The following LOC128706665 variants were observed in gnomAD, a reference collection of about 807,000 sequenced individuals.
At chr20:10,434,034 G>C in the LOC128706665 span, 1 of 152,440 alleles carries the variant, frequency 6.6e-6, no homozygotes, top group East Asian at 1.9e-4. Flanking sequence ...AGAGGGAGGC[G>C]CCTACAAGCC....
chr20:10,417,723 AAAC>A, the LOC128706665 span, among the ~76,000 whole-genome samples: 1 of 152,232 alleles, frequency 6.6e-6, no homozygotes, highest in African/African-American at 2.4e-5. Context: ...ATTATATATG[AAAC>A]AACATGATTA....
At chr20:10,432,642 A>G in the LOC128706665 span, among the ~76,000 whole-genome samples, 1 of 152,042 alleles carries the variant, frequency 6.6e-6, no homozygotes. Context: ...AAAAATACAA[A>G]AATTAGCCAG....
At chr20:10,427,035 C>CACACAGACACACACAG in the LOC128706665 span, among the ~76,000 whole-genome samples, 1 of 56,424 alleles carries the variant, frequency 1.8e-5, no homozygotes, top group Non-Finnish European at 6.6e-5. Context: ...CACTGACACA[C>CACACAGACACACACAG]ACACACACAC....
chr20:10,423,210 G>A, the LOC128706665 span, among the ~76,000 whole-genome samples: 1 of 152,108 alleles, frequency 6.6e-6, no homozygotes, highest in Non-Finnish European at 1.5e-5. Context: ...AGCCTGAGGT[G>A]GGCGGATCAC....
At chr20:10,414,480 G>T in the LOC128706665 span, among the ~76,000 whole-genome samples, 2 of 151,974 alleles carry the variant, frequency 1.3e-5, no homozygotes, top group African/African-American at 4.8e-5. Flanking sequence ...TGCCAGGTTG[G>T]TCTCGAACTC....
At chr20:10,429,903 G>T in the LOC128706665 span, among the ~76,000 whole-genome samples, 3 of 152,172 alleles carry the variant, frequency 2.0e-5, no homozygotes, top group Non-Finnish European at 2.9e-5. Flanking sequence ...AAACTCTAGG[G>T]TGGGGTCCAG....
the LOC128706665 span, among the ~76,000 whole-genome samples, chr20:10,432,749 G>C: frequency 8.2e-6 from 1 of 122,048 alleles, no homozygotes; most frequent in Admixed American, 1.1e-4. Context: ...AGTGAGCAGA[G>C]ATCCAGCTTC....
the LOC128706665 span, among the ~76,000 whole-genome samples, chr20:10,430,554 T>A: frequency 6.6e-6 from 1 of 152,180 alleles, no homozygotes; most frequent in Non-Finnish European, 1.5e-5. Context: ...CTAAGGGAAG[T>A]GGTCCCCATA....
chr20:10,425,162 G>A, the LOC128706665 span, among the ~76,000 whole-genome samples: 1 of 152,154 alleles, frequency 6.6e-6, no homozygotes, highest in South Asian at 2.1e-4. Context: ...ACAAGGAAAA[G>A]AGAGCTAAAA....
chr20:10,423,973 T>C, the LOC128706665 span, among the ~76,000 whole-genome samples: 1 of 149,794 alleles, frequency 6.7e-6, no homozygotes, highest in South Asian at 2.2e-4. Context: ...ATATCTCATA[T>C]ATTGATTTGG....
At chr20:10,413,790 G>A in the LOC128706665 span, 2 of 562,812 alleles carry the variant, frequency 3.6e-6, no homozygotes, top group Non-Finnish European at 6.3e-6. Context: ...AGACTGCTTT[G>A]CAGACCTCTG....
the LOC128706665 span, among the ~76,000 whole-genome samples, chr20:10,432,521 C>T: frequency 5.8e-4 from 89 of 152,198 alleles, no homozygotes; most frequent in African/African-American, 2.1e-3. Flanking sequence ...GGCCAGACGC[C>T]GTGGGTCATG....
At chr20:10,421,356 G>A in the LOC128706665 span, among the ~76,000 whole-genome samples, 3 of 150,988 alleles carry the variant, frequency 2.0e-5, no homozygotes, top group East Asian at 3.9e-4. Flanking sequence ...CTTGGGAGGT[G>A]GAGGTTGCAG....
the LOC128706665 span, among the ~76,000 whole-genome samples, chr20:10,415,378 G>T: frequency 1.3e-5 from 2 of 152,116 alleles, no homozygotes; most frequent in Admixed American, 6.5e-5. Flanking sequence ...GTGCAAAGAG[G>T]TGGGCAGAAC....
At chr20:10,418,973 C>T in the LOC128706665 span, among the ~76,000 whole-genome samples, 1 of 152,068 alleles carries the variant, frequency 6.6e-6, no homozygotes, top group African/African-American at 2.4e-5. Flanking sequence ...TTCTATGTTA[C>T]TACCTGGCTT....
chr20:10,431,169 T>C, the LOC128706665 span, among the ~76,000 whole-genome samples: 1 of 152,176 alleles, frequency 6.6e-6, no homozygotes, highest in Non-Finnish European at 1.5e-5. Context: ...TATATAAAAA[T>C]AGGCACCCCT....
chr20:10,417,742 G>T, the LOC128706665 span, among the ~76,000 whole-genome samples: 1 of 151,860 alleles, frequency 6.6e-6, no homozygotes, highest in Non-Finnish European at 1.5e-5. Flanking sequence ...GATTACCTAG[G>T]ATCTATTCCA....
chr20:10,422,276 G>C, the LOC128706665 span, among the ~76,000 whole-genome samples: 1 of 151,996 alleles, frequency 6.6e-6, no homozygotes, highest in African/African-American at 2.4e-5. Flanking sequence ...GTAAATGAAA[G>C]TATTTTATGG....
the LOC128706665 span, among the ~76,000 whole-genome samples, chr20:10,414,265 C>CTT: frequency 8.3e-5 from 11 of 132,342 alleles, no homozygotes; most frequent in African/African-American, 2.0e-4. Flanking sequence ...GTCTCTGAGT[C>CTT]TTTTTTTTTT....
Sources: gnomAD v4.1 joint callset for allele counts (sites outside exome capture counted in the v4.1 genomes callset) on GRCh38, gnomAD v4.1.1 for gene constraint, MANE v1.5 for transcripts.